Variants in IGSF22 observed in about 807,000 individuals in gnomAD.
IGSF22 encodes the protein immunoglobulin superfamily, member 22.
A neutral mutation model predicts 127.0 loss-of-function variants in IGSF22; 119 were observed. The ratio of observed to expected loss-of-function variants is 0.94; its 90% CI spans 0.81 to 1.09. The LOEUF is 1.09. Among genes scored for constraint, IGSF22 ranks in the 50% least tolerant of loss-of-function variants. The probability of loss-of-function intolerance (pLI) is 0.00; values close to 1 mark genes in which losing one functional copy is unlikely to be tolerated. For synonymous variants in IGSF22, 568 were observed against 664.7 expected (o/e 0.85, Z 2.24); for missense variants, 1,518 against 1,716.6 (o/e 0.88, Z 2.04).
Position 18,706,191 on chromosome 11 carries a change from C to A in IGSF22, c.3581-45G>T, listed in dbSNP as rs934668709. The A allele has an allele frequency of 4.2e-5, 62 of 1,486,162 alleles. No individual in the cohort carries two copies. The Admixed American group carries it at 1.3e-3, about 30-fold the overall frequency. 92.1% of individuals were successfully genotyped at this position (1,486,162 alleles called of 1,614,324 possible). ...CAGGCCGTGAGGGCGCCCCAAGGCC[C>A]CCACCCACCACCCACGTCTTACAGT... On this transcript the variant is annotated intron_variant, in intron 21 of 22. Coordinates refer to ENST00000513874, the MANE Select transcript of IGSF22 (RefSeq NM_173588.4).
rs1195770232 is a variant in IGSF22, at chr11:18,720,181, C to A, written c.478+5G>T. 6.2e-7 allele frequency: 1 copy of A among 1,613,958 alleles called. No individual in the cohort carries two copies. Among genetic ancestry groups the A allele is most frequent in the Non-Finnish European group, 8.5e-7 (1 of 1,179,778 alleles). On this transcript the variant is annotated splice_donor_5th_base_variant and intron_variant, in intron 5 of 22. Coordinates refer to ENST00000513874, the MANE Select transcript of IGSF22 (RefSeq NM_173588.4). ...AGAAAGGCCAAGAGGAAGGGGCCAA[C>A]TCACCTTCTGTTACCAGCAGAGATA...
At position 18,710,455 on chromosome 11, in the gene IGSF22, C is replaced by A. The variant is rs768159599; in HGVS notation, c.2573G>T (p.Gly858Val). ...WVPVNKDPIQ[G>V]TKCTVDGLLE... is the part of the protein sequence containing the mutation. ...GAGACCATCCACAGTGCACTTGGTG[C>A]CTGAAATGGGAAGATGAGGGGTCGT... Residue 858 changes from glycine to valine, a missense_variant and splice_region_variant, in exon 17 of 23, where the codon GGC becomes GTC. By Grantham distance (109) the Gly-to-Val change is moderately radical. Transcript: ENST00000513874. 1 of 1,613,886 alleles carries A rather than the reference C, an allele frequency of 6.2e-7. No homozygotes were observed. The highest frequency in any genetic ancestry group is 1.7e-5 in the Admixed American group (1 of 60,018).
chr11:18,714,670 G>A, intron 11 of IGSF22, 46 bp from the exon 12 acceptor site: 1 of 1,606,814 alleles, frequency 6.2e-7, no homozygotes, highest in African/African-American at 1.3e-5. Flanking sequence ...TGTTGGGGTG[G>A]GAGGGACTTC....
intron 1 of IGSF22, among the ~76,000 whole-genome samples, chr11:18,724,481 C>T (rs1848621466): frequency 6.6e-6 from 1 of 152,180 alleles, no homozygotes; most frequent in South Asian, 2.1e-4. Context: ...TAACTCCAAA[C>T]TATTCCAGGG....
chr11:18,706,185 A>G (rs772145904), intron 21 of IGSF22, 39 bp from the exon 22 acceptor site: 11 of 1,502,298 alleles, frequency 7.3e-6, no homozygotes, highest in Non-Finnish European at 8.9e-6. Context: ...AGGGCGCCCC[A>G]AGGCCCCCAC....
chr11:18,724,705 C>T (rs1848624377), intron 1 of IGSF22, among the ~76,000 whole-genome samples: 1 of 152,164 alleles, frequency 6.6e-6, no homozygotes, highest in Non-Finnish European at 1.5e-5. Flanking sequence ...TATTCCTGGG[C>T]CCTGGGGACC....
chr11:18,707,531 T>A, intron 20 of IGSF22: 1 of 540,022 alleles, frequency 1.9e-6, no homozygotes, highest in Non-Finnish European at 3.2e-6. Context: ...CTTGGGGGTT[T>A]AGAGCTTTAT....
chr11:18,722,890 C>T (rs1005970490), intron 2 of IGSF22, among the ~76,000 whole-genome samples: 1 of 152,220 alleles, frequency 6.6e-6, no homozygotes, highest in African/African-American at 2.4e-5. Context: ...CTCAAACAGG[C>T]AGAGTGCAGT....
chr11:18,721,745 C>T (rs1848578377), intron 3 of IGSF22, 74 bp from the exon 4 acceptor site: 1 of 1,601,264 alleles, frequency 6.2e-7, no homozygotes, highest in Non-Finnish European at 8.5e-7. Context: ...TGCCGGCTCT[C>T]TGCCTCCTCC....
Position 18,716,762 on chromosome 11 carries a change from C to T in IGSF22, c.1212G>A (p.Gly404=). The change falls in exon 10 of 23, where the codon GGG becomes GGA. Residue 404 remains glycine, a synonymous_variant. Coordinates refer to ENST00000513874, the MANE Select transcript of IGSF22 (RefSeq NM_173588.4). This position sits in a 1 kb window ranked among gnomAD's most constrained non-coding sequence, Gnocchi z 4.5. ...TGAGCTGGGCCTTTTGTACCAGGTT[C>T]CCCGCCTCAGCAGAGAACTCGCCGC... ...SDSGEFSAEA[G]NLVQKAQLTV... is the part of the protein sequence containing the mutation. 1 of 1,614,046 alleles carries T rather than the reference C, an allele frequency of 6.2e-7. No homozygotes were observed. The highest frequency in any genetic ancestry group is 8.5e-7 in the Non-Finnish European group (1 of 1,179,882).
At position 18,709,557 on chromosome 11, in the gene IGSF22, T is replaced by C. The variant is rs1848312087; in HGVS notation, c.2828A>G (p.Asp943Gly). 6.2e-7 allele frequency: 1 copy of C among 1,614,198 alleles called. No homozygotes were observed. Among genetic ancestry groups the C allele is most frequent in the African/African-American group, 1.3e-5 (1 of 75,046 alleles). ...SGYILEMRAE[D>G]TKEWSKCTKI... ...TGTGCACTTGGACCACTCCTTTGTG[T>C]CTTCAGCCCTCATCTCAAGGATGTA... The change falls in exon 18 of 23, where the codon GAC becomes GGC. Residue 943 changes from aspartate (D) to glycine (G), a missense_variant. Asp to Gly is a moderately conservative substitution (Grantham distance 94, BLOSUM62 -1). Coordinates refer to ENST00000513874, the MANE Select transcript of IGSF22 (RefSeq NM_173588.4). This position sits in a 1 kb window ranked among gnomAD's most constrained non-coding sequence, Gnocchi z 4.8.
chr11:18,720,274 C>T lies in IGSF22; in HGVS notation c.390G>A (p.Leu130=). Residue 130 remains leucine, a synonymous_variant, in exon 5 of 23, where the codon CTG becomes CTA. Transcript: ENST00000513874. ...TATAGTTGTCAGAGTCATCCGAAGTCAGTGGCTCCAGCTGGATCAAAGTCC... is the reference window on the plus strand; with the variant it reads ...TATAGTTGTCAGAGTCATCCGAAGTTAGTGGCTCCAGCTGGATCAAAGTCC... ...NKEHVLKLEP[L]TSDDSDNYKC... 1 of 1,614,008 alleles carries T rather than the reference C, an allele frequency of 6.2e-7. No homozygotes were observed.
At chr11:18,708,123 G>A in intron 19 of IGSF22, 84 bp downstream of exon 19, 1 of 1,515,406 alleles carries the variant, frequency 6.6e-7, no homozygotes, top group South Asian at 1.2e-5. Context: ...CAGAGTCAGA[G>A]TCAGAGTCAG....
rs1202035798 is a variant in IGSF22 at position 18,707,586 on chromosome 11, T to C, written c.3280+218A>G. 3.3e-5 allele frequency among the ~76,000 whole-genome samples: 5 copies of C among 152,210 alleles called. No homozygotes were observed. The South Asian group carries it at 8.3e-4, about 25-fold the overall frequency. On this transcript the variant is annotated intron_variant, in intron 20 of 22. Transcript: ENST00000513874. ...TTTAAGCAGTCACCCCAATTTTTAA[T>C]GGATTCATCTCCATTTGTCCCTCCT...
intron 7 of IGSF22, among the ~76,000 whole-genome samples, chr11:18,719,141 G>T (rs934817880): frequency 5.9e-5 from 9 of 152,060 alleles, no homozygotes; most frequent in African/African-American, 1.9e-4. Context: ...GTACAACTGG[G>T]ATTTGTTTGT....
Position 18,717,217 on chromosome 11 carries a change from C to T in IGSF22, c.974-217G>A, listed in dbSNP as rs543468416. On this transcript the variant is annotated intron_variant, in intron 9 of 22. Transcript: ENST00000513874. The stretch of plus-strand genomic sequence containing the variant: ...GTAATGGTAACAGCAATTTTAAAAG[C>T]ACTTATGTGGTTTTAGATATGTTCC... Among the ~76,000 whole-genome samples the T allele has an allele frequency of 2.5e-3, 375 of 152,294 alleles. 3 individuals are homozygous for T. Among genetic ancestry groups the T allele is most frequent in the African/African-American group, 8.7e-3 (361 of 41,568 alleles).
intron 4 of IGSF22, 24 bp from the exon 5 acceptor site, chr11:18,720,309 T>A (rs998553413): frequency 3.1e-6 from 5 of 1,598,078 alleles, no homozygotes; most frequent in Non-Finnish European, 4.3e-6. Flanking sequence ...CGGCCATTAG[T>A]GGGGGAAGGA....
At chr11:18,719,667 G>A in intron 7 of IGSF22, 49 bp downstream of exon 7, 1 of 1,579,184 alleles carries the variant, frequency 6.3e-7, no homozygotes, top group Non-Finnish European at 8.6e-7. Flanking sequence ...CACTTTGGGT[G>A]AAGCCCTGCC....
In IGSF22 at chr11:18,717,019, G is replaced by A. The variant is rs750550437; in HGVS notation, c.974-19C>T. 5.6e-6 allele frequency: 9 copies of A among 1,612,660 alleles called. No individual in the cohort carries two copies. The highest frequency in any genetic ancestry group is 1.3e-5 in the African/African-American group (1 of 74,890). On this transcript the variant is annotated intron_variant, in intron 9 of 22. Transcript: ENST00000513874. ...GGCTCATCTGCAGCAAACAGTAGGA[G>A]TGGTAGTCATTGGGCTGGTCCCTCC...
Sources: allele counts gnomAD v4.1 joint callset (sites outside exome capture counted in the v4.1 genomes callset), GRCh38; gene constraint gnomAD v4.1.1; non-coding constraint Gnocchi (gnomAD v3.1); transcripts MANE v1.5; gene names NCBI Gene and HGNC (gene_info 2026-07-23, HGNC 2026-07-21).